The following SLC26A11 variants were observed in gnomAD, a reference collection of about 807,000 sequenced individuals.
The protein encoded by SLC26A11 is sodium-independent sulfate anion transporter.
A neutral mutation model predicts 62.2 loss-of-function variants in SLC26A11; 58 were observed. The observed-to-expected ratio is 0.93, with a 90% CI of 0.76 to 1.16. The LOEUF (loss-of-function observed/expected upper bound fraction) is 1.16. Ranked by LOEUF, SLC26A11 falls within the 50% of genes most tolerant of loss-of-function variation. SLC26A11 has a pLI of 0.00. For synonymous variants in SLC26A11, 411 were observed against 368.9 expected, an observed-to-expected ratio of 1.11 and a Z score of -1.31; for missense variants, 790 against 794.3, an observed-to-expected ratio of 0.99 and a Z score of 0.06.
chr17:80,245,114 G>A (rs1858483424), intron 10 of SLC26A11, 82 bp from the exon 11 acceptor site: 2 of 1,354,176 alleles, frequency 1.5e-6, no homozygotes, highest in Non-Finnish European at 2.1e-6. Context: ...TCCCTTCTGG[G>A]TTTTTGTCCC....
rs779821148 is a variant in SLC26A11, at chr17:80,246,672, A to G, written c.1294+23A>G. 1 of 1,610,844 alleles carries G rather than the reference A, an allele frequency of 6.2e-7. No individual in the cohort carries two copies. Among genetic ancestry groups the G allele is most frequent in the Non-Finnish European group, 8.5e-7 (1 of 1,178,728 alleles). On this transcript the variant is annotated intron_variant, in intron 13 of 17. Transcript: ENST00000361193. This position sits in a 1 kb window ranked among gnomAD's most constrained non-coding sequence, Gnocchi z 4.4. ...AGAGTACGTCCTTGTCCTACAGGGG[A>G]GAGCGCTGTGATGCGGTGTCTGAAC...
At chr17:80,226,121 A>T (rs867296967) in intron 6 of SLC26A11, among the ~76,000 whole-genome samples, 18 of 152,096 alleles carry the variant, frequency 1.2e-4, no homozygotes, top group Admixed American at 2.0e-4. Flanking sequence ...CAGTTTTAAC[A>T]GGAGGCCGGT....
intron 6 of SLC26A11, among the ~76,000 whole-genome samples, chr17:80,226,747 C>G (rs2042424856): frequency 6.6e-6 from 1 of 152,172 alleles, no homozygotes; most frequent in Non-Finnish European, 1.5e-5. Context: ...ATGAGGGGTA[C>G]CTCCCTGCCA....
At chr17:80,248,804 T>C (rs1459991270) in intron 15 of SLC26A11, 130 bp downstream of exon 15, 8 of 945,982 alleles carry the variant, frequency 8.5e-6, no homozygotes, top group African/African-American at 6.5e-5. Flanking sequence ...CATCTCTGAG[T>C]GGGCTGGACC....
At position 80,246,349 on chromosome 17, in the gene SLC26A11, AG is replaced by A; in HGVS notation, c.1153+145del. On this transcript the variant is annotated intron_variant, in intron 12 of 17. Transcript: ENST00000361193. This position sits in a 1 kb window ranked among gnomAD's most constrained non-coding sequence, Gnocchi z 4.4. ...GGGACTTGGGGGGCCACACAGGAGT[AG>A]GGGGACCACAGGAGACTGAGCAGGG... The A allele has an allele frequency of 7.1e-7, 1 of 1,411,668 alleles. No homozygotes were observed. Among genetic ancestry groups the A allele is most frequent in the Non-Finnish European group, 9.6e-7 (1 of 1,045,436 alleles). 87.4% of individuals were successfully genotyped at this position (1,411,668 alleles called of 1,614,324 possible). A position where few individuals can be genotyped will look rare whatever the true frequency, so the allele number is the denominator to read the frequency against.
At position 80,243,745 on chromosome 17, in the gene SLC26A11, T is replaced by C. The variant is rs147378720; in HGVS notation, c.1037-1451T>C. ...CCACAGATCTATTCTGACAGCACCC[T>C]GAGTTCCAGGGATACAACACAGACC... On this transcript the variant is annotated intron_variant, in intron 10 of 17. Coordinates refer to ENST00000361193, the MANE Select transcript of SLC26A11 (RefSeq NM_001166347.2). 2.4e-3 allele frequency among the ~76,000 whole-genome samples: 363 copies of C among 152,334 alleles called. 4 individuals are homozygous for C. Among genetic ancestry groups the C allele is most frequent in the African/African-American group, 8.4e-3 (350 of 41,570 alleles).
chr17:80,251,145 TAAA>T (rs368934378), intron 16 of SLC26A11, among the ~76,000 whole-genome samples, 181 bp from the exon 17 acceptor site: 2 of 145,544 alleles, frequency 1.4e-5, no homozygotes, highest in African/African-American at 5.0e-5. Flanking sequence ...AACAAAAAAT[TAAA>T]AAAAAAAAAA....
chr17:80,242,336 A>G lies in SLC26A11; in HGVS notation c.1036+515A>G, dbSNP rs553167989. Reference sequence around the variant, plus strand: ...CTCCACACTGCTCAGTTTAACCCCTAAGAACAAGGAGCTGACATCTGTTGT... The same window carrying G: ...CTCCACACTGCTCAGTTTAACCCCTGAGAACAAGGAGCTGACATCTGTTGT... On this transcript the variant is annotated intron_variant, in intron 10 of 17. Coordinates refer to ENST00000361193, the MANE Select transcript of SLC26A11 (RefSeq NM_001166347.2). Among the ~76,000 whole-genome samples the G allele has an allele frequency of 1.1e-3, 160 of 152,272 alleles. 1 individual carries two copies. The highest frequency in any genetic ancestry group is 3.5e-3 in the African/African-American group (144 of 41,564).
chr17:80,227,026 C>G (rs1204822953), intron 6 of SLC26A11, among the ~76,000 whole-genome samples: 1 of 152,146 alleles, frequency 6.6e-6, no homozygotes, highest in Non-Finnish European at 1.5e-5. Context: ...GATTACGGAG[C>G]CTGACCAGTC....
rs776934417 is a variant in SLC26A11 at position 80,245,227 on chromosome 17, CTCCTACCCGG to C, written c.1071_1080del (p.Tyr358GlnfsTer9). 1.9e-6 allele frequency: 3 copies of C among 1,614,024 alleles called. No homozygotes were observed. The Admixed American group carries it at 5.0e-5, about 27-fold the overall frequency. ...CCAACATGTTGGGCTCCCTCGTCTCCTCCTACCCGGTCACAGGCAGCTTTGGACGGTGAGT... is the reference window on the plus strand; with the variant it reads ...CCAACATGTTGGGCTCCCTCGTCTCCTCACAGGCAGCTTTGGACGGTGAGT... On this transcript the variant is annotated frameshift_variant, in exon 11 of 18. Transcript: ENST00000361193. LOFTEE classifies it high-confidence loss of function.
rs1030309065 is a variant in SLC26A11, at chr17:80,222,007, A to G, written c.234+213A>G. On this transcript the variant is annotated intron_variant, in intron 3 of 17. Coordinates refer to ENST00000361193, the MANE Select transcript of SLC26A11 (RefSeq NM_001166347.2). The surrounding 1 kb of genome is among the most constrained non-coding windows in gnomAD (Gnocchi z 4.7). ...ACACTGAGCTGGTTATGGAGGGGCC[A>G]GCGAGATGACTCATGGAGGCCTCAG... is the stretch of plus-strand genomic sequence containing the variant. 3.5e-6 allele frequency: 2 copies of G among 567,370 alleles called. No homozygotes were observed. The highest frequency in any genetic ancestry group is 3.0e-6 in the Non-Finnish European group (1 of 329,340). The allele number at this position is 567,370 out of a possible 1,614,324, so 35.1% of individuals were successfully genotyped here. A position where few individuals can be genotyped will look rare whatever the true frequency, so the allele number is the denominator to read the frequency against.
Position 80,238,810 on chromosome 17 carries a change from A to AG in SLC26A11, c.985+1217dup, listed in dbSNP as rs1328742056. Among the ~76,000 whole-genome samples the AG allele has an allele frequency of 1.3e-3, 160 of 120,828 alleles. 1 individual carries two copies. Among genetic ancestry groups the AG allele is most frequent in the African/African-American group, 5.6e-3 (152 of 27,074 alleles). The allele number at this position is 120,828 out of a possible 152,430, so 79.3% of individuals were successfully genotyped here. A position where few individuals can be genotyped will look rare whatever the true frequency, so the allele number is the denominator to read the frequency against. Reference sequence around the variant, plus strand: ...CTCTAACCCTTACCCCCTTCAAAGGAGTTTTTTTTGTTTTTTGTTTTTTTT... The same window carrying AG: ...CTCTAACCCTTACCCCCTTCAAAGGAGGTTTTTTTTGTTTTTTGTTTTTTTT... On this transcript the variant is annotated intron_variant, in intron 9 of 17. Coordinates refer to ENST00000361193, the MANE Select transcript of SLC26A11 (RefSeq NM_001166347.2).
At chr17:80,241,530 G>A (rs1385517372) in intron 9 of SLC26A11, among the ~76,000 whole-genome samples, 1 of 152,148 alleles carries the variant, frequency 6.6e-6, no homozygotes, top group African/African-American at 2.4e-5. Context: ...AAAGTGCTGC[G>A]ATTATAGCTG....
At chr17:80,244,461 C>G (rs1045082057) in intron 10 of SLC26A11, among the ~76,000 whole-genome samples, 4 of 152,216 alleles carry the variant, frequency 2.6e-5, no homozygotes, top group African/African-American at 9.6e-5. Flanking sequence ...CTCTCACCCC[C>G]TCCTGGGTGG....
chr17:80,235,786 A>G (rs985640251), intron 7 of SLC26A11, among the ~76,000 whole-genome samples: 1 of 152,236 alleles, frequency 6.6e-6, no homozygotes, highest in African/African-American at 2.4e-5. Flanking sequence ...TCTGGGATAC[A>G]GTTAAGTTAC....
chr17:80,240,290 C>T (rs1456637808), intron 9 of SLC26A11, among the ~76,000 whole-genome samples: 1 of 152,026 alleles, frequency 6.6e-6, no homozygotes, highest in African/African-American at 2.4e-5. Context: ...TGGCGTGAAC[C>T]CGGGAGGCGG....
intron 10 of SLC26A11, among the ~76,000 whole-genome samples, chr17:80,242,665 T>C (rs1392032288): frequency 6.6e-6 from 1 of 152,226 alleles, no homozygotes; most frequent in Admixed American, 6.5e-5. Context: ...GTTACGTCTC[T>C]GCGGGCTGAC....
In SLC26A11 at chr17:80,222,705, C is replaced by T; in HGVS notation, c.285C>T (p.Gly95=). The part of the protein sequence containing the change: ...FMGCFVYFFL[G]TSRDVTLGPT... ...GCTGCTTCGTGTATTTCTTCCTGGG[C>T]ACCTCCCGGGATGTGACTCTGGGCC... The change falls in exon 4 of 18, where the codon GGC becomes GGT. Residue 95 remains glycine (G), a synonymous_variant. Transcript: ENST00000361193. The surrounding 1 kb of genome is among the most constrained non-coding windows in gnomAD (Gnocchi z 4.7). The T allele has an allele frequency of 6.2e-7, 1 of 1,614,134 alleles. No individual in the cohort carries two copies. The highest frequency in any genetic ancestry group is 8.5e-7 in the Non-Finnish European group (1 of 1,180,032).
chr17:80,251,355 C>T lies in SLC26A11; in HGVS notation c.1683C>T (p.Ser561=), dbSNP rs750050403. Residue 561 remains serine (S), a synonymous_variant, in exon 17 of 18, where the codon TCC becomes TCT. Transcript: ENST00000361193. ...LQVPVLRVLL[S]ADLKGFQYFS... is the part of the protein sequence containing the mutation. The stretch of plus-strand genomic sequence containing the variant: ...TCCCCGTTCTCCGTGTCCTGCTGTC[C>T]GCTGACCTGAAGGGGTTCCAGTACT... The T allele has an allele frequency of 2.0e-5, 32 of 1,613,928 alleles. No homozygotes were observed. Among genetic ancestry groups the T allele is most frequent in the East Asian group, 6.7e-5 (3 of 44,896 alleles).
Sources: allele counts gnomAD v4.1 joint callset (sites outside exome capture counted in the v4.1 genomes callset), GRCh38; gene constraint gnomAD v4.1.1; non-coding constraint Gnocchi (gnomAD v3.1); transcripts MANE v1.5; gene names NCBI Gene and HGNC (gene_info 2026-07-23, HGNC 2026-07-21).